The following MEF2C variants were observed in gnomAD, a reference collection of about 807,000 sequenced individuals.
The protein encoded by MEF2C is myocyte enhancer factor 2C.
MEF2C carries 6 observed loss-of-function variants against 50.5 expected under a neutral mutation model. That is an observed-to-expected ratio of 0.12 (90% confidence interval 0.07 to 0.23). The LOEUF is 0.23. Among genes scored for constraint, MEF2C ranks in the 10% least tolerant of loss-of-function variants. The pLI is 1.00. For missense variants in MEF2C, 276 were observed against 605.0 expected (o/e 0.46, Z 5.70); for synonymous variants, 183 against 228.0 (o/e 0.80, Z 1.78).
chr5:88,772,818 A>T (rs1782982159), intron 3 of MEF2C: 1 of 985,238 alleles, frequency 1.0e-6, no homozygotes, highest in African/African-American at 1.7e-5. Context: ...TAGTGATCTG[A>T]CAGCAATGAG....
rs72771875 is a variant in MEF2C, at chr5:88,731,461, G to A, written c.810+268C>T. 0.027 allele frequency: 8,983 copies of A among 326,688 alleles called. 194 individuals carry two copies. Among genetic ancestry groups the A allele is most frequent in the Non-Finnish European group, 0.038 (6,757 of 176,178 alleles). 20.2% of individuals were successfully genotyped at this position (326,688 alleles called of 1,614,324 possible). On this transcript the variant is annotated intron_variant, in intron 7 of 10. Transcript: ENST00000504921. ...ATTTTTTTCCAACTATAAATTGAAA[G>A]CCTTAAAAGAAAATGTTTTTCTTAT...
intron 1 of MEF2C, among the ~76,000 whole-genome samples, chr5:88,842,910 T>C (rs1817895695): frequency 6.6e-6 from 1 of 152,192 alleles, no homozygotes; most frequent in African/African-American, 2.4e-5. Context: ...GCGTGGGTTC[T>C]ATTCTGGAAC....
chr5:88,731,377 C>A, intron 7 of MEF2C: 1 of 186,860 alleles, frequency 5.4e-6, no homozygotes, highest in South Asian at 1.0e-4. Flanking sequence ...TATAAAGTAC[C>A]TCATTACCTA....
intron 6 of MEF2C, among the ~76,000 whole-genome samples, chr5:88,745,965 C>T (rs1769304095): frequency 6.6e-6 from 1 of 152,166 alleles, no homozygotes; most frequent in South Asian, 2.1e-4. Flanking sequence ...GAGAATGATG[C>T]TTTTTGTAGA....
chr5:88,891,480 G>T (rs1431516818), intron 1 of MEF2C, among the ~76,000 whole-genome samples: 1 of 142,552 alleles, frequency 7.0e-6, no homozygotes, highest in Non-Finnish European at 1.5e-5. Context: ...TCGGCTCACT[G>T]AAAGCTCCAC....
chr5:88,886,407 C>A (rs1336660187), upstream of MEF2C, among the ~76,000 whole-genome samples: 1 of 152,136 alleles, frequency 6.6e-6, no homozygotes, highest in Non-Finnish European at 1.5e-5. Context: ...TAGGGAGGAG[C>A]TTGTACTAGG....
At chr5:88,792,860 T>C (rs923075585) in intron 3 of MEF2C, among the ~76,000 whole-genome samples, 7 of 152,250 alleles carry the variant, frequency 4.6e-5, no homozygotes, top group African/African-American at 1.7e-4. Context: ...ATTGTTTCAT[T>C]GGAACTGTAA....
chr5:88,741,120 C>T (rs1422032916), intron 6 of MEF2C: 2 of 985,370 alleles, frequency 2.0e-6, no homozygotes, highest in East Asian at 1.1e-4. Context: ...TTTACTTCCA[C>T]CCTTGAGGAT....
chr5:88,795,347 A>G (rs1795581533), intron 3 of MEF2C, among the ~76,000 whole-genome samples: 1 of 152,132 alleles, frequency 6.6e-6, no homozygotes, highest in Non-Finnish European at 1.5e-5. Context: ...TTCTCCTTGA[A>G]GAGGTCCTTC....
chr5:88,779,333 C>T (rs1469337631), intron 3 of MEF2C, among the ~76,000 whole-genome samples: 3 of 151,976 alleles, frequency 2.0e-5, no homozygotes, highest in East Asian at 1.9e-4. Context: ...TGTACACTAT[C>T]GACTAATTGT....
At chr5:88,796,561 G>T (rs1360895014) in intron 3 of MEF2C, among the ~76,000 whole-genome samples, 1 of 151,876 alleles carries the variant, frequency 6.6e-6, no homozygotes, top group Non-Finnish European at 1.5e-5. Context: ...AGTCTATTTT[G>T]TTAATCTTTT....
intron 3 of MEF2C, chr5:88,766,863 T>TA (rs1780285350): frequency 1.0e-6 from 1 of 973,436 alleles, no homozygotes; most frequent in East Asian, 1.1e-4. Flanking sequence ...TTAGAAAAGG[T>TA]AGTTTCCTTT....
chr5:88,740,157 C>T (rs1256766353), intron 6 of MEF2C: 4 of 984,848 alleles, frequency 4.1e-6, no homozygotes, highest in Non-Finnish European at 4.8e-6. Flanking sequence ...TGATGCTGGA[C>T]CAGAGCTTCA....
At chr5:88,823,030 T>C (rs909097948) in intron 2 of MEF2C, among the ~76,000 whole-genome samples, 23 of 151,942 alleles carry the variant, frequency 1.5e-4, no homozygotes, top group African/African-American at 5.3e-4. Flanking sequence ...GATATACAAG[T>C]CTTTAATGCC....
intron 6 of MEF2C, chr5:88,742,313 A>G: frequency 1.0e-6 from 1 of 985,014 alleles, no homozygotes; most frequent in Non-Finnish European, 1.2e-6. Context: ...GGAACCTAAT[A>G]GGTGTATAAA....
chr5:88,738,561 A>T (rs966330050), intron 6 of MEF2C: 48 of 957,558 alleles, frequency 5.0e-5, no homozygotes, highest in Admixed American at 1.2e-4. Flanking sequence ...ATTTGAACCC[A>T]AGCAGTATGT....
At chr5:88,777,005 T>C (rs1785113343) in intron 3 of MEF2C, among the ~76,000 whole-genome samples, 1 of 152,226 alleles carries the variant, frequency 6.6e-6, no homozygotes, top group Non-Finnish European at 1.5e-5. Context: ...GATTTTGTAG[T>C]CATGATGGCT....
chr5:88,811,051 A>G lies in MEF2C; in HGVS notation c.55-6250T>C, dbSNP rs1802568767. Among the ~76,000 whole-genome samples, 4 of 152,244 alleles carry G rather than the reference A, an allele frequency of 2.6e-5. No homozygotes were observed. The South Asian group carries it at 8.3e-4, about 32-fold the overall frequency. On this transcript the variant is annotated intron_variant, in intron 2 of 10. Transcript: ENST00000504921. The stretch of plus-strand genomic sequence containing the variant: ...TTTTAGCGTTCTATAGTGGTAATTA[A>G]TTATCCTACTGATCTTTTTGTTTGT...
At chr5:88,890,463 A>G (rs1182241039) in intron 1 of MEF2C, among the ~76,000 whole-genome samples, 1 of 152,256 alleles carries the variant, frequency 6.6e-6, no homozygotes, top group Non-Finnish European at 1.5e-5. Context: ...CCAAGATGGT[A>G]GCTATTTAAA....
Sources: allele counts gnomAD v4.1 joint callset (sites outside exome capture counted in the v4.1 genomes callset), GRCh38; gene constraint gnomAD v4.1.1; transcripts MANE v1.5; gene names NCBI Gene and HGNC (gene_info 2026-07-23, HGNC 2026-07-21).